The following TMEM132B variants were observed in gnomAD, a reference collection of about 807,000 sequenced individuals.
The protein encoded by TMEM132B is transmembrane protein 132B.
Under a neutral mutation model 90.8 loss-of-function variants are expected in TMEM132B, and 18 were observed. That is an observed-to-expected ratio of 0.20 (90% confidence interval 0.14 to 0.29). The LOEUF (loss-of-function observed/expected upper bound fraction) is 0.29, where lower values mean the gene tolerates loss of function less well. TMEM132B is among the 10% of genes least tolerant of loss of function. TMEM132B has a pLI of 1.00. For missense variants in TMEM132B, 1,096 were observed against 1,326.8 expected (o/e 0.83, Z 2.70); for synonymous variants, 504 against 523.3 (o/e 0.96, Z 0.50).
intron 3 of TMEM132B, among the ~76,000 whole-genome samples, chr12:125,446,897 A>G (rs1261578292): frequency 6.6e-6 from 1 of 152,216 alleles, no homozygotes; most frequent in Non-Finnish European, 1.5e-5. Context: ...CTTTTACTCT[A>G]CTTAAGAACT....
chr12:125,568,722 A>G (rs1238749751), intron 4 of TMEM132B, among the ~76,000 whole-genome samples: 1 of 152,186 alleles, frequency 6.6e-6, no homozygotes, highest in Non-Finnish European at 1.5e-5. Context: ...GTAGGTCACA[A>G]TGGCTTCCAT....
In TMEM132B at chr12:125,437,232, C is replaced by T. The variant is rs1367576463; in HGVS notation, c.1106+21555C>T. On this transcript the variant is annotated intron_variant, in intron 3 of 8. Transcript: ENST00000682704. Reference sequence around the variant, plus strand: ...TTGGATCCGCTTTCCCTGGCCTGCTCGTGGTGTGAACATTCCGATGCGCTG... The same window carrying T: ...TTGGATCCGCTTTCCCTGGCCTGCTTGTGGTGTGAACATTCCGATGCGCTG... 4.6e-5 allele frequency among the ~76,000 whole-genome samples: 7 copies of T among 152,304 alleles called. No homozygotes were observed. The South Asian group carries it at 6.2e-4, about 14-fold the overall frequency.
intron 4 of TMEM132B, among the ~76,000 whole-genome samples, chr12:125,520,036 G>A (rs1883269334): frequency 6.6e-6 from 1 of 152,156 alleles, no homozygotes; most frequent in Non-Finnish European, 1.5e-5. Flanking sequence ...CTTATGGATT[G>A]GAAAACTCTA....
chr12:125,337,957 C>T (rs997527624), intron 1 of TMEM132B, among the ~76,000 whole-genome samples: 3 of 152,236 alleles, frequency 2.0e-5, no homozygotes, highest in Admixed American at 6.5e-5. Context: ...AATTATTCAT[C>T]TACCTTGACT....
chr12:125,248,736 G>A (rs1319701328), intron 1 of TMEM132B, among the ~76,000 whole-genome samples: 5 of 152,174 alleles, frequency 3.3e-5, no homozygotes, highest in Admixed American at 6.5e-5. Context: ...CAGGGGAGTG[G>A]GGTATGGGGA....
At chr12:125,308,831 A>G (rs559269496) in intron 1 of TMEM132B, among the ~76,000 whole-genome samples, 5 of 152,178 alleles carry the variant, frequency 3.3e-5, no homozygotes, top group Non-Finnish European at 5.9e-5. Context: ...CCTCAATTCC[A>G]TCCCCTCTCC....
At chr12:125,384,960 C>T (rs1040986290) in intron 2 of TMEM132B, among the ~76,000 whole-genome samples, 4 of 152,114 alleles carry the variant, frequency 2.6e-5, no homozygotes, top group Admixed American at 2.6e-4. Context: ...CCATTTTCTA[C>T]CCTTTGATCA....
chr12:125,391,939 T>G (rs1039374721), intron 2 of TMEM132B, among the ~76,000 whole-genome samples: 4 of 151,680 alleles, frequency 2.6e-5, no homozygotes, highest in African/African-American at 7.3e-5. Context: ...GCTAAAATTT[T>G]ATTTTTTGTA....
At chr12:125,220,738 G>A (rs138842936) in intron 1 of TMEM132B, among the ~76,000 whole-genome samples, 2 of 152,220 alleles carry the variant, frequency 1.3e-5, no homozygotes, top group Non-Finnish European at 2.9e-5. Flanking sequence ...TCGTCCTGCT[G>A]TGTCTGTTTC....
intron 4 of TMEM132B, among the ~76,000 whole-genome samples, chr12:125,539,570 A>G (rs1883900932): frequency 6.6e-6 from 1 of 152,202 alleles, no homozygotes; most frequent in Admixed American, 6.5e-5. Context: ...AAGCTCCGTG[A>G]GGGCAGGCCC....
At chr12:125,565,536 C>A (rs1247043119) in intron 4 of TMEM132B, among the ~76,000 whole-genome samples, 1 of 152,182 alleles carries the variant, frequency 6.6e-6, no homozygotes, top group Non-Finnish European at 1.5e-5. Flanking sequence ...AATCAGGTCA[C>A]ACATGGACTT....
chr12:125,532,774 C>G (rs2136700398), intron 4 of TMEM132B, among the ~76,000 whole-genome samples: 1 of 152,230 alleles, frequency 6.6e-6, no homozygotes, highest in East Asian at 1.9e-4. Context: ...CTCGGCCTCC[C>G]AAAGTGCTGG....
Position 125,349,062 on chromosome 12 carries a change from C to T in TMEM132B, c.68-390C>T, listed in dbSNP as rs1444316809. Among the ~76,000 whole-genome samples, 1 of 152,224 alleles carries T rather than the reference C, an allele frequency of 6.6e-6. No homozygotes were observed. Among genetic ancestry groups the T allele is most frequent in the Non-Finnish European group, 1.5e-5 (1 of 68,048 alleles). ...AAAGTAATAAGGCACTAACGTGTCA[C>T]ATACAATGGTGCAATGCCTGATTGG... On this transcript the variant is annotated intron_variant, in intron 1 of 8. Coordinates refer to ENST00000682704, the MANE Select transcript of TMEM132B (RefSeq NM_001366854.1). The surrounding 1 kb of genome is among the most constrained non-coding windows in gnomAD (Gnocchi z 4.1).
At chr12:125,648,947 G>A (rs543913746) in intron 6 of TMEM132B, among the ~76,000 whole-genome samples, 7 of 152,262 alleles carry the variant, frequency 4.6e-5, no homozygotes, top group Admixed American at 2.6e-4. Context: ...AGTTAGTTCC[G>A]AGAAGCTTTA....
intron 3 of TMEM132B, among the ~76,000 whole-genome samples, chr12:125,432,485 A>ATG (rs1555248822): frequency 8.9e-5 from 7 of 78,268 alleles, no homozygotes; most frequent in Admixed American, 1.5e-4. Context: ...GTGTATATAT[A>ATG]TGTATGTGTA....
At chr12:125,359,846 G>A (rs961542237) in intron 2 of TMEM132B, among the ~76,000 whole-genome samples, 1 of 152,170 alleles carries the variant, frequency 6.6e-6, no homozygotes, top group Non-Finnish European at 1.5e-5. Flanking sequence ...TTGGGAGGCC[G>A]AGGCAGGCAG....
At chr12:125,233,418 T>G (rs1468853296) in intron 1 of TMEM132B, among the ~76,000 whole-genome samples, 7 of 152,214 alleles carry the variant, frequency 4.6e-5, no homozygotes, top group Non-Finnish European at 4.4e-5. Context: ...CATCTCCACC[T>G]TCCAGGCAGG....
chr12:125,326,677 T>C (rs768986666), intron 1 of TMEM132B: 13 of 1,604,472 alleles, frequency 8.1e-6, no homozygotes, highest in African/African-American at 1.3e-5. Flanking sequence ...CCGGGGGAGG[T>C]CGGAAGGAAG....
intron 3 of TMEM132B, among the ~76,000 whole-genome samples, chr12:125,481,783 C>A (rs1882049829): frequency 6.6e-6 from 1 of 152,146 alleles, no homozygotes; most frequent in African/African-American, 2.4e-5. Context: ...AAAAAAGAGT[C>A]CCCAGAGCCA....
Sources: gnomAD v4.1 joint callset for allele counts (sites outside exome capture counted in the v4.1 genomes callset) on GRCh38, gnomAD v4.1.1 for gene constraint, Gnocchi (gnomAD v3.1) non-coding constraint, MANE v1.5 for transcripts, NCBI Gene and HGNC (gene_info 2026-07-23, HGNC 2026-07-21) for gene names.